METTL15: variants seen among roughly 807,000 people sequenced by gnomAD.
METTL15 encodes the protein methyltransferase 15, mitochondrial 12S rRNA N4-cytidine, also known as 12S rRNA N(4)-cytidine methyltransferase METTL15.
In METTL15, 34 loss-of-function variants were observed where a neutral mutation model predicts 38.3. That is an observed-to-expected ratio of 0.89 (90% CI 0.68 to 1.18). The LOEUF is 1.18. Among genes scored for constraint, METTL15 ranks in the 50% most tolerant of loss-of-function variants. The pLI, the probability that METTL15 is intolerant of heterozygous loss-of-function variation, is 0.00. For missense variants in METTL15, 438 were observed against 498.4 expected (o/e 0.88, Z 1.15); for synonymous variants, 162 against 170.9 (o/e 0.95, Z 0.41).
intron 3 of METTL15, among the ~76,000 whole-genome samples, chr11:28,136,436 A>G (rs922906518): frequency 7.9e-5 from 12 of 152,070 alleles, no homozygotes; most frequent in African/African-American, 2.7e-4. Flanking sequence ...TGGGCTCCCC[A>G]TCCGTGTGGA....
intron 3 of METTL15, among the ~76,000 whole-genome samples, chr11:28,119,785 A>G (rs1236048673): frequency 6.6e-6 from 1 of 152,142 alleles, no homozygotes; most frequent in African/African-American, 2.4e-5. Flanking sequence ...AATCTTTGCA[A>G]TCTTTAATGG....
chr11:28,180,081 C>T (rs1206680458), intron 3 of METTL15, among the ~76,000 whole-genome samples: 1 of 151,754 alleles, frequency 6.6e-6, no homozygotes, highest in Non-Finnish European at 1.5e-5. Flanking sequence ...TTTCAGTTAA[C>T]AAAGCTATAA....
intron 6 of METTL15, among the ~76,000 whole-genome samples, chr11:28,477,745 C>T (rs1023031196): frequency 3.3e-5 from 5 of 152,094 alleles, no homozygotes; most frequent in Admixed American, 2.0e-4. Context: ...ATCTTGAGGC[C>T]GTTATCAACT....
chr11:28,173,975 C>T (rs1850956369), intron 3 of METTL15, among the ~76,000 whole-genome samples: 1 of 152,120 alleles, frequency 6.6e-6, no homozygotes, highest in African/African-American at 2.4e-5. Context: ...TATGATTTTT[C>T]ATTGTTGATG....
chr11:28,365,831 C>A (rs1020059017), intron 5 of METTL15, among the ~76,000 whole-genome samples: 1 of 152,154 alleles, frequency 6.6e-6, no homozygotes, highest in African/African-American at 2.4e-5. Context: ...GCGGGCAGAT[C>A]ATGAGGCCAG....
chr11:28,177,746 A>C (rs1011659657), intron 3 of METTL15, among the ~76,000 whole-genome samples: 1 of 152,080 alleles, frequency 6.6e-6, no homozygotes, highest in East Asian at 1.9e-4. Flanking sequence ...GTTGGAGTCT[A>C]TTGGAAATTA....
chr11:28,393,105 A>T (rs561457598), intron 5 of METTL15, among the ~76,000 whole-genome samples: 4 of 152,214 alleles, frequency 2.6e-5, no homozygotes, highest in Middle Eastern at 3.4e-3. Context: ...ATTATGGAAA[A>T]CAGCCTGGAA....
intron 4 of METTL15, among the ~76,000 whole-genome samples, chr11:28,240,793 A>G (rs1854260766): frequency 6.6e-6 from 1 of 152,166 alleles, no homozygotes; most frequent in Non-Finnish European, 1.5e-5. Context: ...GGAAACATAG[A>G]TGATAGAGGA....
rs1011211184 is a variant in METTL15, at chr11:28,177,437, C to T, written c.271-33625C>T. Among the ~76,000 whole-genome samples the T allele has an allele frequency of 5.9e-5, 9 of 151,850 alleles. No individual in the cohort carries two copies. The South Asian group carries it at 6.2e-4, about 10-fold the overall frequency. The stretch of plus-strand genomic sequence containing the variant: ...TTGCTGGCAAAGCAGATGTTTCATT[C>T]GAGACAAGTGTTTTAGGTTGTGTGA... On this transcript the variant is annotated intron_variant, in intron 3 of 6. Coordinates refer to ENST00000407364, the MANE Select transcript of METTL15 (RefSeq NM_001113528.2).
At chr11:28,234,375 G>T (rs1298567706) in intron 4 of METTL15, among the ~76,000 whole-genome samples, 2 of 151,388 alleles carry the variant, frequency 1.3e-5, no homozygotes, top group African/African-American at 4.9e-5. Flanking sequence ...CTGAGGAATC[G>T]CCACACTGAC....
Position 28,224,270 on chromosome 11 carries a change from A to T in METTL15, c.407+13072A>T, listed in dbSNP as rs1039558026. Among the ~76,000 whole-genome samples, 4 of 151,938 alleles carry T rather than the reference A, an allele frequency of 2.6e-5. No homozygotes were observed. The East Asian group carries it at 7.7e-4, about 29-fold the overall frequency. Reference sequence around the variant, plus strand: ...TGTACTTCTAAAATGTTAGAATATCATGGCAAAGTTTAAAATCCATTTTGG... The same window carrying T: ...TGTACTTCTAAAATGTTAGAATATCTTGGCAAAGTTTAAAATCCATTTTGG... On this transcript the variant is annotated intron_variant, in intron 4 of 6. Transcript: ENST00000407364.
intron 6 of METTL15, among the ~76,000 whole-genome samples, 163 bp downstream of exon 6, chr11:28,297,094 C>A (rs1211905892): frequency 6.6e-6 from 1 of 152,050 alleles, no homozygotes; most frequent in African/African-American, 2.4e-5. Flanking sequence ...TCTTGCCTAT[C>A]CTTCTCTAAT....
At chr11:28,316,009 T>C (rs768650380) in intron 6 of METTL15, among the ~76,000 whole-genome samples, 1 of 152,208 alleles carries the variant, frequency 6.6e-6, no homozygotes, top group Non-Finnish European at 1.5e-5. Flanking sequence ...GCTAGAGCAG[T>C]GTGGCAGAGA....
At chr11:28,459,753 C>T (rs1851198922) in intron 6 of METTL15, among the ~76,000 whole-genome samples, 1 of 152,060 alleles carries the variant, frequency 6.6e-6, no homozygotes, top group Non-Finnish European at 1.5e-5. Context: ...AAATCATTGA[C>T]CTCATTTTTC....
chr11:28,417,661 G>A (rs1160788263), intron 5 of METTL15, among the ~76,000 whole-genome samples: 1 of 152,160 alleles, frequency 6.6e-6, no homozygotes, highest in East Asian at 1.9e-4. Flanking sequence ...CTTGGAGGGG[G>A]TGGCAGATTT....
intron 6 of METTL15, among the ~76,000 whole-genome samples, chr11:28,454,713 C>A (rs893289718): frequency 4.6e-5 from 7 of 152,182 alleles, no homozygotes; most frequent in African/African-American, 1.7e-4. Context: ...TCAGACTGAA[C>A]AACAATTCAA....
At chr11:28,234,952 A>G (rs368534573) in intron 4 of METTL15, among the ~76,000 whole-genome samples, 2 of 150,580 alleles carry the variant, frequency 1.3e-5, no homozygotes, top group Admixed American at 6.6e-5. Flanking sequence ...TAACGTTTAA[A>G]TCTTTAATCC....
chr11:28,251,205 C>T (rs1854728668), intron 4 of METTL15, among the ~76,000 whole-genome samples: 1 of 152,014 alleles, frequency 6.6e-6, no homozygotes, highest in African/African-American at 2.4e-5. Context: ...TATTCTTCCA[C>T]CCTACCAAAT....
At chr11:28,229,014 A>G (rs1187133039) in intron 4 of METTL15, among the ~76,000 whole-genome samples, 1 of 151,856 alleles carries the variant, frequency 6.6e-6, no homozygotes, top group East Asian at 1.9e-4. Context: ...TGAGATTTTT[A>G]GGTCAATGAC....
Sources: allele counts gnomAD v4.1 joint callset (sites outside exome capture counted in the v4.1 genomes callset), GRCh38; gene constraint gnomAD v4.1.1; transcripts MANE v1.5; gene names NCBI Gene and HGNC (gene_info 2026-07-23, HGNC 2026-07-21).